The following TAOK3 variants were observed in gnomAD, a reference collection of about 807,000 sequenced individuals.
TAOK3 encodes the protein serine/threonine-protein kinase TAO3.
TAOK3 carries 40 observed loss-of-function variants against 120.4 expected under a neutral mutation model. The ratio of observed to expected loss-of-function variants is 0.33; its 90% CI spans 0.26 to 0.43. The LOEUF is 0.43. Ranked by LOEUF, TAOK3 falls within the 20% of genes least tolerant of loss-of-function variation. The pLI, the probability that TAOK3 is intolerant of heterozygous loss-of-function variation, is 1.00. For synonymous variants in TAOK3, 355 were observed against 387.5 expected (o/e 0.92, Z 0.99); for missense variants, 821 against 1,112.1 (o/e 0.74, Z 3.72).
chr12:118,161,107 T>G lies in TAOK3; in HGVS notation c.2139+681A>C, dbSNP rs1422357996. On this transcript the variant is annotated intron_variant, in intron 18 of 20. Coordinates refer to ENST00000392533, the MANE Select transcript of TAOK3 (RefSeq NM_016281.4). The surrounding 1 kb of genome is among the most constrained non-coding windows in gnomAD (Gnocchi z 4.5). ...TGAGGACTTATGGTGATAGAAATCA[T>G]TGCTTAGCTTAGAATTTGACTGAAG... is the stretch of plus-strand genomic sequence containing the variant. Among the ~76,000 whole-genome samples the G allele has an allele frequency of 6.6e-6, 1 of 152,244 alleles. No individual in the cohort carries two copies.
chr12:118,361,506 G>A (rs1285469137), intron 1 of TAOK3, among the ~76,000 whole-genome samples: 1 of 149,614 alleles, frequency 6.7e-6, no homozygotes, highest in Non-Finnish European at 1.5e-5. Context: ...CACCCAGGCT[G>A]GAGTGCAGTG....
chr12:118,248,988 C>A (rs528140972), intron 3 of TAOK3, among the ~76,000 whole-genome samples: 121 of 152,022 alleles, frequency 8.0e-4, no homozygotes, highest in Non-Finnish European at 3.4e-4. Context: ...AAAAAAAAAT[C>A]AATGTTTTAG....
chr12:118,240,305 G>A (rs907405780), intron 5 of TAOK3, among the ~76,000 whole-genome samples: 44 of 150,014 alleles, frequency 2.9e-4, no homozygotes, highest in Non-Finnish European at 1.2e-4. Context: ...TCAGCCTCCC[G>A]AGTAGCTGGG....
chr12:118,364,018 A>G (rs146150922), intron 1 of TAOK3, among the ~76,000 whole-genome samples: 1 of 152,186 alleles, frequency 6.6e-6, no homozygotes, highest in African/African-American at 2.4e-5. Context: ...TTACGCCTAT[A>G]ATCCCAGTTA....
chr12:118,161,371 T>C lies in TAOK3; in HGVS notation c.2139+417A>G, dbSNP rs993035959. On this transcript the variant is annotated intron_variant, in intron 18 of 20. Coordinates refer to ENST00000392533, the MANE Select transcript of TAOK3 (RefSeq NM_016281.4). This position sits in a 1 kb window ranked among gnomAD's most constrained non-coding sequence, Gnocchi z 4.5. ...TGATGACCATGACAGACATCACTAA[T>C]AAATGACACTCTTTCCTCCTAAGCT... Among the ~76,000 whole-genome samples the C allele has an allele frequency of 6.6e-6, 1 of 152,046 alleles. No homozygotes were observed. Among genetic ancestry groups the C allele is most frequent in the Admixed American group, 6.5e-5 (1 of 15,268 alleles).
chr12:118,338,016 G>A (rs1022912855), intron 1 of TAOK3, among the ~76,000 whole-genome samples: 4 of 152,096 alleles, frequency 2.6e-5, no homozygotes, highest in Non-Finnish European at 2.9e-5. Flanking sequence ...GGGTACACCC[G>A]ACCTCTCAGT....
Position 118,161,757 on chromosome 12 carries a change from G to A in TAOK3, c.2139+31C>T. ...TTCAGGTAGAGAAACCACTGATCTG[G>A]TCCAACACTGTCCAGCAGCACAAAT... On this transcript the variant is annotated intron_variant, in intron 18 of 20. Transcript: ENST00000392533. This position sits in a 1 kb window ranked among gnomAD's most constrained non-coding sequence, Gnocchi z 4.5. The A allele has an allele frequency of 4.3e-6, 7 of 1,612,862 alleles. No individual in the cohort carries two copies. The highest frequency in any genetic ancestry group is 5.9e-6 in the Non-Finnish European group (7 of 1,179,538).
chr12:118,176,805 C>T (rs182068619), intron 16 of TAOK3, among the ~76,000 whole-genome samples: 50 of 150,868 alleles, frequency 3.3e-4, no homozygotes, highest in African/African-American at 1.1e-3. Context: ...TTGCTCTTGT[C>T]GCCCAGACTG....
chr12:118,254,162 C>T (rs190113468), intron 3 of TAOK3, among the ~76,000 whole-genome samples: 39 of 152,328 alleles, frequency 2.6e-4, no homozygotes. Context: ...GAGATAGTCA[C>T]ATTCTTGGAA....
At chr12:118,243,587 C>A in intron 4 of TAOK3, 71 bp from the exon 5 acceptor site, 2 of 549,600 alleles carry the variant, frequency 3.6e-6, no homozygotes, top group Non-Finnish European at 6.2e-6. Flanking sequence ...ATCAAGTATA[C>A]GTATATATCA....
chr12:118,248,070 C>A (rs2140070322), intron 3 of TAOK3, among the ~76,000 whole-genome samples: 1 of 152,034 alleles, frequency 6.6e-6, no homozygotes, highest in South Asian at 2.1e-4. Flanking sequence ...TTCTTAAATA[C>A]AACTAATTTA....
intron 3 of TAOK3, among the ~76,000 whole-genome samples, chr12:118,247,766 C>T (rs1429550351): frequency 6.6e-6 from 1 of 152,190 alleles, no homozygotes; most frequent in Non-Finnish European, 1.5e-5. Flanking sequence ...CCGCCCGCAT[C>T]AGCCTCCCAA....
intron 9 of TAOK3, among the ~76,000 whole-genome samples, chr12:118,232,909 A>T (rs372601): frequency 0.3 from 46,261 of 151,916 alleles, 7,937 homozygotes; most frequent in Non-Finnish European, 0.4. Flanking sequence ...TGTCTCAAAA[A>T]AAATAAATAA....
At chr12:118,219,921 A>G (rs2039146155) in intron 9 of TAOK3, among the ~76,000 whole-genome samples, 3 of 135,892 alleles carry the variant, frequency 2.2e-5, no homozygotes, top group Admixed American at 7.3e-5. Context: ...GCTTATTTGC[A>G]TAATTATTTT....
At chr12:118,152,102 A>G in intron 20 of TAOK3, 125 bp downstream of exon 20, 1 of 877,334 alleles carries the variant, frequency 1.1e-6, no homozygotes, top group African/African-American at 1.7e-5. Flanking sequence ...TACCAGTAGC[A>G]TAAAGCAGAT....
chr12:118,245,927 G>A (rs566075443), intron 3 of TAOK3, among the ~76,000 whole-genome samples: 4 of 152,136 alleles, frequency 2.6e-5, no homozygotes, highest in African/African-American at 9.7e-5. Flanking sequence ...TAAGGAATGA[G>A]GTAATCTATG....
At chr12:118,182,559 T>C (rs972171301) in intron 14 of TAOK3, among the ~76,000 whole-genome samples, 30 of 147,660 alleles carry the variant, frequency 2.0e-4, no homozygotes, top group Non-Finnish European at 4.0e-4. Context: ...TGAGAACTAC[T>C]ACACTGGTTT....
At chr12:118,188,965 C>T (rs909341620) in intron 14 of TAOK3, among the ~76,000 whole-genome samples, 4 of 152,136 alleles carry the variant, frequency 2.6e-5, no homozygotes, top group Non-Finnish European at 4.4e-5. Context: ...CGCACGCGCA[C>T]GCGTGGGGGC....
chr12:118,238,025 T>C (rs756409395), intron 7 of TAOK3, 48 bp downstream of exon 7: 8 of 1,291,832 alleles, frequency 6.2e-6, no homozygotes, highest in Non-Finnish European at 7.6e-6. Flanking sequence ...GTTCCTGGAA[T>C]AGACAGTCCT....
Sources: gnomAD v4.1 joint callset for allele counts (sites outside exome capture counted in the v4.1 genomes callset) on GRCh38, gnomAD v4.1.1 for gene constraint, Gnocchi (gnomAD v3.1) non-coding constraint, MANE v1.5 for transcripts, NCBI Gene and HGNC (gene_info 2026-07-23, HGNC 2026-07-21) for gene names.